Variants in SGCD observed in about 807,000 individuals in gnomAD.
SGCD encodes sarcoglycan delta.
Under a neutral mutation model 36.6 loss-of-function variants are expected in SGCD, and 18 were observed. The observed-to-expected ratio is 0.49, with a 90% CI of 0.34 to 0.73. The LOEUF (loss-of-function observed/expected upper bound fraction) is 0.73, where lower values mean the gene tolerates loss of function less well. SGCD is among the 30% of genes least tolerant of loss of function. The probability of loss-of-function intolerance (pLI) is 0.01; values close to 1 mark genes in which losing one functional copy is unlikely to be tolerated. For synonymous variants in SGCD, 133 were observed against 130.6 expected, an observed-to-expected ratio of 1.02 and a Z score of -0.12; for missense variants, 387 against 346.7, an observed-to-expected ratio of 1.12 and a Z score of -0.92.
rs1441604384 is a variant in SGCD at position 156,517,400 on chromosome 5, C to A, written c.294+8698C>A. ...CTGAAAGAGACAGGGAGAATGGAAC[C>A]AAGTTGGAAAACGTACTTCAGAATA... On this transcript the variant is annotated intron_variant, in intron 4 of 8. Transcript: ENST00000337851. 2.6e-5 allele frequency among the ~76,000 whole-genome samples: 4 copies of A among 152,178 alleles called. No homozygotes were observed. In the East Asian group the frequency reaches 7.7e-4, roughly 29 times the overall value.
chr5:155,793,393 A>G, the SGCD span, among the ~76,000 whole-genome samples: 1 of 152,128 alleles, frequency 6.6e-6, no homozygotes, highest in East Asian at 1.9e-4. Flanking sequence ...CCGAAACCAA[A>G]ATAATAATTA....
At chr5:156,728,842 C>G (rs987104195) in intron 7 of SGCD, among the ~76,000 whole-genome samples, 2 of 152,056 alleles carry the variant, frequency 1.3e-5, no homozygotes, top group African/African-American at 4.8e-5. Flanking sequence ...AGAGTTGCAC[C>G]ATAACTGATG....
At chr5:156,178,326 G>A (rs112951365) in intron 3 of SGCD, among the ~76,000 whole-genome samples, 4,024 of 152,258 alleles carry the variant, frequency 0.026, 188 homozygotes, top group African/African-American at 0.092. Flanking sequence ...GTGCGTCAGC[G>A]TGGAGAGAGA....
At position 156,393,066 on chromosome 5, in the gene SGCD, T is replaced by C. The variant is rs1245768194; in HGVS notation, c.192+48389T>C. On this transcript the variant is annotated intron_variant, in intron 3 of 8. Coordinates refer to ENST00000337851, the MANE Select transcript of SGCD (RefSeq NM_000337.6). ...GGGTTGGAGCCCTAGCCAGGGATCATGCCCTCCTCTACCCAGCACTTCCCT... is the reference window on the plus strand; with the variant it reads ...GGGTTGGAGCCCTAGCCAGGGATCACGCCCTCCTCTACCCAGCACTTCCCT... Among the ~76,000 whole-genome samples, 3 of 152,322 alleles carry C rather than the reference T, an allele frequency of 2.0e-5. No homozygotes were observed. The East Asian group carries it at 5.8e-4, about 29-fold the overall frequency.
chr5:156,430,896 C>T (rs1488569420), intron 3 of SGCD, among the ~76,000 whole-genome samples: 2 of 152,104 alleles, frequency 1.3e-5, no homozygotes, highest in African/African-American at 4.8e-5. Flanking sequence ...ATCTCATTCT[C>T]TCATGGTATA....
At chr5:156,335,630 C>G (rs993659782) in intron 2 of SGCD, among the ~76,000 whole-genome samples, 1 of 152,136 alleles carries the variant, frequency 6.6e-6, no homozygotes, top group African/African-American at 2.4e-5. Flanking sequence ...CTGTCTCTTC[C>G]CCTATCATTC....
At chr5:155,996,867 A>G (rs67120773) in intron 1 of SGCD, among the ~76,000 whole-genome samples, 2,180 of 48,926 alleles carry the variant, frequency 0.045, 23 homozygotes, top group South Asian at 0.06. Flanking sequence ...ATGGATGGAT[A>G]GATAGATAGA....
chr5:155,865,834 A>G (rs1006353120), upstream of SGCD, among the ~76,000 whole-genome samples: 1 of 152,176 alleles, frequency 6.6e-6, no homozygotes, highest in African/African-American at 2.4e-5. Flanking sequence ...CAAAATTCCA[A>G]TTTTCACTTA....
rs576949740 is a variant in SGCD, at chr5:156,011,651, G to A, written c.-281-106227G>A. On this transcript the variant is annotated intron_variant, in intron 1 of 9. Coordinates refer to the SGCD transcript ENST00000517913. Reference sequence around the variant, plus strand: ...GACAGGGTTTCACCATCTTGGCCAGGGTGGTCTGGAACTCCTGACCTCGTG... The same window carrying A: ...GACAGGGTTTCACCATCTTGGCCAGAGTGGTCTGGAACTCCTGACCTCGTG... Among the ~76,000 whole-genome samples the A allele has an allele frequency of 5.3e-5, 8 of 152,226 alleles. No homozygotes were observed. The East Asian group carries it at 1.5e-3, about 29-fold the overall frequency.
intron 3 of SGCD, among the ~76,000 whole-genome samples, chr5:156,311,340 A>G (rs1767383820): frequency 6.6e-6 from 1 of 152,156 alleles, no homozygotes; most frequent in South Asian, 2.1e-4. Context: ...ATTGACCCCG[A>G]ACAGGAGTGG....
At chr5:156,322,995 T>C (rs77956244), upstream of SGCD, among the ~76,000 whole-genome samples, 8,043 of 152,268 alleles carry the variant, frequency 0.053, 678 homozygotes, top group African/African-American at 0.18. Flanking sequence ...CTGATTCTAA[T>C]AGAATCAAAA....
the SGCD span, among the ~76,000 whole-genome samples, chr5:155,734,506 G>A: frequency 2.0e-5 from 3 of 152,066 alleles, no homozygotes; most frequent in East Asian, 5.8e-4. Context: ...GCCACTACTT[G>A]GCCCACACAG....
intron 7 of SGCD, among the ~76,000 whole-genome samples, chr5:156,695,516 GATAGATA>G (rs1561861946): frequency 2.3e-3 from 3 of 1,310 alleles, no homozygotes; most frequent in Non-Finnish European, 0.01. Context: ...TAGATGGATA[GATAGATA>G]GATAGATAGA....
At position 156,372,416 on chromosome 5, in the gene SGCD, A is replaced by C. The variant is rs181866698; in HGVS notation, c.192+27739A>C. ...CTTTACTATTCTCACCTGTAATCTT[A>C]GCACTCTCCAGTCCATTAAGAAGCC... On this transcript the variant is annotated intron_variant, in intron 3 of 8. Transcript: ENST00000337851. 2.6e-5 allele frequency among the ~76,000 whole-genome samples: 4 copies of C among 152,166 alleles called. No homozygotes were observed. The East Asian group carries it at 5.8e-4, about 22-fold the overall frequency.
the SGCD span, among the ~76,000 whole-genome samples, chr5:155,734,248 C>T: frequency 6.6e-6 from 1 of 151,078 alleles, no homozygotes; most frequent in Non-Finnish European, 1.5e-5. Context: ...CTCTGTTGCC[C>T]AGGCTGGAGT....
At chr5:156,181,477 G>T (rs1218424572) in intron 3 of SGCD, among the ~76,000 whole-genome samples, 1 of 152,152 alleles carries the variant, frequency 6.6e-6, no homozygotes, top group Non-Finnish European at 1.5e-5. Flanking sequence ...AAACTAAGGA[G>T]AAGGGGACAA....
chr5:156,069,270 G>A (rs1581075638), intron 1 of SGCD, among the ~76,000 whole-genome samples: 2 of 152,090 alleles, frequency 1.3e-5, no homozygotes, highest in South Asian at 2.1e-4. Flanking sequence ...TAAAGTTTAA[G>A]TCTTTAATCC....
intron 3 of SGCD, among the ~76,000 whole-genome samples, chr5:156,362,834 A>G (rs765019309): frequency 9.2e-5 from 14 of 152,182 alleles, no homozygotes; most frequent in South Asian, 2.1e-4. Context: ...GGACTCCACT[A>G]TCTAATCAGG....
intron 1 of SGCD, among the ~76,000 whole-genome samples, chr5:155,999,041 C>A (rs987055135): frequency 1.3e-5 from 2 of 152,170 alleles, no homozygotes; most frequent in Non-Finnish European, 2.9e-5. Flanking sequence ...CCTGCACCTG[C>A]AACTAACACC....
Sources: gnomAD v4.1 joint callset for allele counts (sites outside exome capture counted in the v4.1 genomes callset) on GRCh38, gnomAD v4.1.1 for gene constraint, MANE v1.5 for transcripts, NCBI Gene and HGNC (gene_info 2026-07-23, HGNC 2026-07-21) for gene names.